FRAS1: variants seen among roughly 807,000 people sequenced by gnomAD.
FRAS1 encodes Fraser extracellular matrix complex subunit 1.
In FRAS1, 290 loss-of-function variants were observed where a neutral mutation model predicts 435.2. That is an observed-to-expected ratio of 0.67 (90% CI 0.61 to 0.73). FRAS1 has a LOEUF of 0.73. Among genes scored for constraint, FRAS1 ranks in the 30% least tolerant of loss-of-function variants. The pLI, the probability that FRAS1 is intolerant of heterozygous loss-of-function variation, is 0.00. For missense variants in FRAS1, 4,860 were observed against 5,001.5 expected (o/e 0.97, Z 0.85); for synonymous variants, 1,800 against 1,851.0 (o/e 0.97, Z 0.71).
chr4:78,249,070 T>TATC lies in FRAS1; in HGVS notation c.310-3320_310-3319insCAT, dbSNP rs1560602594. Among the ~76,000 whole-genome samples, 8 of 109,034 alleles carry TATC rather than the reference T, an allele frequency of 7.3e-5. No individual in the cohort carries two copies. In the East Asian group the frequency reaches 1.7e-3, roughly 23 times the overall value. 71.5% of individuals were successfully genotyped at this position (109,034 alleles called of 152,430 possible). On this transcript the variant is annotated intron_variant, in intron 4 of 73. Coordinates refer to ENST00000512123, the MANE Select transcript of FRAS1 (RefSeq NM_025074.7). ...ACTGATATATATATATATGCATATA[T>TATC]ATATATATATATATATGCATGTGCT...
At chr4:78,534,829 T>C (rs1027806455) in intron 71 of FRAS1, among the ~76,000 whole-genome samples, 7 of 152,198 alleles carry the variant, frequency 4.6e-5, no homozygotes, top group South Asian at 2.1e-4. Context: ...ACTATAATGA[T>C]TGGCAGTGTG....
rs374802955 is a variant in FRAS1 at position 78,473,461 on chromosome 4, C to G, written c.7546C>G (p.Arg2516Gly). 3.1e-6 allele frequency: 5 copies of G among 1,612,054 alleles called. No individual in the cohort carries two copies. The highest frequency in any genetic ancestry group is 1.7e-5 in the Admixed American group (1 of 59,844). Residue 2516 changes from arginine (R) to glycine (G), a missense_variant, in exon 53 of 74, where the codon CGT (arginine) becomes GGT (glycine). Physicochemically the swap from Arg to Gly is moderately radical, Grantham distance 125 (BLOSUM62 -2). Coordinates refer to ENST00000512123, the MANE Select transcript of FRAS1 (RefSeq NM_025074.7). ...TQEDVNLGLI[R>G]YVLHKEKIRE... Reference sequence around the variant, plus strand: ...AGAGGATGTGAACTTGGGGTTGATTCGTTATGTGTTGCACAAGGAGAAGAT... The same window carrying G: ...AGAGGATGTGAACTTGGGGTTGATTGGTTATGTGTTGCACAAGGAGAAGAT...
At chr4:78,472,138 A>C (rs1719726849) in intron 51 of FRAS1, 42 bp from the exon 52 acceptor site, 2 of 1,600,610 alleles carry the variant, frequency 1.2e-6, no homozygotes, top group Admixed American at 1.7e-5. Context: ...TTCCTGCTTT[A>C]TTCCCACCTC....
At chr4:78,141,255 C>T (rs1018758847) in intron 2 of FRAS1, among the ~76,000 whole-genome samples, 38 of 152,094 alleles carry the variant, frequency 2.5e-4, no homozygotes, top group Non-Finnish European at 4.1e-4. Context: ...TCCATGTGTT[C>T]TCATTGTTCA....
At chr4:78,438,487 A>G (rs930867170) in intron 38 of FRAS1, 83 bp from the exon 39 acceptor site, 1 of 1,333,990 alleles carries the variant, frequency 7.5e-7, no homozygotes. Context: ...GCAGAGAGAG[A>G]AGCACCCATA....
In FRAS1 at chr4:78,526,275, T is replaced by C. The variant is rs141061004; in HGVS notation, c.10809-266T>C. Among the ~76,000 whole-genome samples, 81 of 152,326 alleles carry C rather than the reference T, an allele frequency of 5.3e-4. 3 individuals are homozygous for C. The East Asian group carries it at 0.014, about 26-fold the overall frequency. ...GAGCCTTCTATGTTTTCATATGTAG[T>C]CTGCCTTTCTTAGCTTTCCTCATAG... is the stretch of plus-strand genomic sequence containing the variant. On this transcript the variant is annotated intron_variant, in intron 69 of 73. Transcript: ENST00000512123.
At chr4:78,215,526 A>C (rs1723729589) in intron 2 of FRAS1, among the ~76,000 whole-genome samples, 1 of 152,198 alleles carries the variant, frequency 6.6e-6, no homozygotes, top group Non-Finnish European at 1.5e-5. Context: ...CAGCAGTGTT[A>C]AGTGTATCCA....
intron 8 of FRAS1, 97 bp from the exon 9 acceptor site, chr4:78,267,144 T>G (rs1305883275): frequency 3.2e-6 from 4 of 1,243,504 alleles, no homozygotes; most frequent in Non-Finnish European, 4.6e-6. Flanking sequence ...GAAAGAGCCA[T>G]GTAGAGCTTT....
intron 61 of FRAS1, among the ~76,000 whole-genome samples, chr4:78,506,748 T>A (rs912131832): frequency 9.0e-5 from 7 of 78,128 alleles, no homozygotes; most frequent in Non-Finnish European, 1.8e-4. Flanking sequence ...TTGCCCTCCA[T>A]GGGCTGCACC....
At chr4:78,475,402 G>T (rs939971947) in intron 53 of FRAS1, 36 bp from the exon 54 acceptor site, 2 of 1,611,722 alleles carry the variant, frequency 1.2e-6, no homozygotes, top group African/African-American at 1.3e-5. Flanking sequence ...TAACCATGGG[G>T]CATAGTTTAA....
chr4:78,195,277 G>A (rs1279537129), intron 2 of FRAS1, among the ~76,000 whole-genome samples: 2 of 152,242 alleles, frequency 1.3e-5, no homozygotes, highest in Non-Finnish European at 2.9e-5. Flanking sequence ...CGTGCTGGGA[G>A]AACCACTGCT....
At chr4:78,361,805 A>G (rs1348909317) in intron 20 of FRAS1, among the ~76,000 whole-genome samples, 2 of 152,216 alleles carry the variant, frequency 1.3e-5, no homozygotes, top group Admixed American at 1.3e-4. Flanking sequence ...GTACAAACAA[A>G]TGCTTTGAAT....
intron 2 of FRAS1, chr4:78,068,586 G>A: frequency 2.2e-6 from 1 of 456,246 alleles, no homozygotes; most frequent in Non-Finnish European, 4.4e-6. Context: ...TGCCAGAGAG[G>A]AGGAATGGCA....
At position 78,093,485 on chromosome 4, in the gene FRAS1, T is replaced by C. The variant is rs546938030; in HGVS notation, c.108+27469T>C. The stretch of plus-strand genomic sequence containing the variant: ...ACAACTGATTATATTTAATATCTAG[T>C]CTCATAAAAACCTTATTAAGATTTC... On this transcript the variant is annotated intron_variant, in intron 2 of 73. Transcript: ENST00000512123. Among the ~76,000 whole-genome samples the C allele has an allele frequency of 2.6e-5, 4 of 152,322 alleles. No individual in the cohort carries two copies. The South Asian group carries it at 8.3e-4, about 32-fold the overall frequency.
At chr4:78,308,943 T>C (rs1199459672) in intron 15 of FRAS1, among the ~76,000 whole-genome samples, 1 of 152,218 alleles carries the variant, frequency 6.6e-6, no homozygotes, top group African/African-American at 2.4e-5. Context: ...TTCCCTTGAA[T>C]GGCAAAGAGG....
chr4:78,075,831 G>T (rs541357665), intron 2 of FRAS1, among the ~76,000 whole-genome samples: 2 of 152,218 alleles, frequency 1.3e-5, no homozygotes, highest in Admixed American at 6.5e-5. Flanking sequence ...TGAGAGAAAG[G>T]CTCTTAGGAT....
intron 25 of FRAS1, among the ~76,000 whole-genome samples, chr4:78,374,656 G>A (rs939419238): frequency 1.3e-5 from 2 of 152,114 alleles, no homozygotes; most frequent in African/African-American, 4.8e-5. Context: ...TGGGATTTTT[G>A]GGGACAATTC....
At chr4:78,537,465 T>C (rs1320486629) in intron 72 of FRAS1, among the ~76,000 whole-genome samples, 1 of 152,182 alleles carries the variant, frequency 6.6e-6, no homozygotes, top group East Asian at 1.9e-4. Flanking sequence ...ACCTGGAGTG[T>C]CCCCATACTC....
rs554744174 is a variant in FRAS1, at chr4:78,438,542, A to G, written c.5218-28A>G. ...TGTTTATTCCTGCAAATGTGCGTTCATGTCCTGCCTCATGTTTGCCTCATT... is the reference window on the plus strand; with the variant it reads ...TGTTTATTCCTGCAAATGTGCGTTCGTGTCCTGCCTCATGTTTGCCTCATT... On this transcript the variant is annotated intron_variant, in intron 38 of 73. Coordinates refer to ENST00000512123, the MANE Select transcript of FRAS1 (RefSeq NM_025074.7). The G allele has an allele frequency of 9.3e-6, 15 of 1,613,074 alleles. No homozygotes were observed. The South Asian group carries it at 1.3e-4, about 14-fold the overall frequency.
Sources: gnomAD v4.1 joint callset for allele counts (sites outside exome capture counted in the v4.1 genomes callset) on GRCh38, gnomAD v4.1.1 for gene constraint, MANE v1.5 for transcripts, NCBI Gene and HGNC (gene_info 2026-07-23, HGNC 2026-07-21) for gene names.